USP47: variants seen among roughly 807,000 people sequenced by gnomAD.
The protein encoded by USP47 is ubiquitin carboxyl-terminal hydrolase 47.
USP47 carries 35 observed loss-of-function variants against 165.1 expected under a neutral mutation model. The observed-to-expected ratio is 0.21, with a 90% CI of 0.16 to 0.28. USP47 has a LOEUF of 0.28. Among genes scored for constraint, USP47 ranks in the 10% least tolerant of loss-of-function variants. The pLI, the probability that USP47 is intolerant of heterozygous loss-of-function variation, is 1.00. For synonymous variants in USP47, 531 were observed against 544.5 expected, an observed-to-expected ratio of 0.98 and a Z score of 0.35; for missense variants, 1,277 against 1,607.4, an observed-to-expected ratio of 0.79 and a Z score of 3.52.
chr11:11,926,212 AGTTTTTCTCCTT>A (rs1367296576), intron 11 of USP47, among the ~76,000 whole-genome samples: 1 of 152,126 alleles, frequency 6.6e-6, no homozygotes, highest in South Asian at 2.1e-4. Flanking sequence ...TGAGTTTGGA[AGTTTTTCTCCTT>A]TTTACTTTTT....
intron 11 of USP47, among the ~76,000 whole-genome samples, chr11:11,927,675 A>T (rs1489621535): frequency 6.6e-6 from 1 of 152,126 alleles, no homozygotes; most frequent in African/African-American, 2.4e-5. Flanking sequence ...TGTTCTACGC[A>T]GATCTAGAAA....
intron 1 of USP47, among the ~76,000 whole-genome samples, 195 bp from the exon 2 acceptor site, chr11:11,879,982 A>G (rs1362468856): frequency 6.6e-6 from 1 of 152,126 alleles, no homozygotes; most frequent in African/African-American, 2.4e-5. Context: ...CAAAACAAAC[A>G]TATACGGTGC....
At position 11,842,018 on chromosome 11, in the gene USP47, G is replaced by T. The variant is rs867072911; in HGVS notation, c.-168G>T. 2 of 749,632 alleles carry T rather than the reference G, an allele frequency of 2.7e-6. No homozygotes were observed. The highest frequency in any genetic ancestry group is 4.1e-6 in the Non-Finnish European group (2 of 484,584). The allele number at this position is 749,632 out of a possible 1,614,324, so 46.4% of individuals were successfully genotyped here. On this transcript the variant is annotated 5_prime_UTR_variant, in exon 1 of 28. Transcript: ENST00000527733. ...GGCGGCGGCGGCGGCGGAGCCCTGG[G>T]TCGGTGTCTGCGCGCTGGTGTCTGA...
At chr11:11,891,667 A>G (rs953190975) in intron 3 of USP47, among the ~76,000 whole-genome samples, 16 of 152,200 alleles carry the variant, frequency 1.1e-4, no homozygotes, top group African/African-American at 3.9e-4. Flanking sequence ...CATCTCACCA[A>G]CAATAATTGT....
At chr11:11,872,818 T>A (rs762887642) in intron 1 of USP47, among the ~76,000 whole-genome samples, 14 of 152,234 alleles carry the variant, frequency 9.2e-5, no homozygotes, top group Non-Finnish European at 1.5e-4. Context: ...GGAAAAATTA[T>A]ACAAACAAGC....
chr11:11,897,631 C>G lies in USP47; in HGVS notation c.531C>G (p.Cys177Trp). 1 of 1,611,260 alleles carries G rather than the reference C, an allele frequency of 6.2e-7. No individual in the cohort carries two copies. Among genetic ancestry groups the G allele is most frequent in the Non-Finnish European group, 8.5e-7 (1 of 1,178,426 alleles). The change falls in exon 5 of 28, where the codon TGC becomes TGG. Residue 177 changes from cysteine (C) to tryptophan (W), a missense_variant. By Grantham distance (215) the Cys-to-Trp change is radical (BLOSUM62 -2). Coordinates refer to ENST00000527733, the MANE Select transcript of USP47 (RefSeq NM_001282659.2). Reference sequence around the variant, plus strand: ...GACTAGTAAACCAAGCAATGACTTGCTATTTGAATAGCCTTTTGCAAACAC... The same window carrying G: ...GACTAGTAAACCAAGCAATGACTTGGTATTTGAATAGCCTTTTGCAAACAC... ...YVGLVNQAMTCYLNSLLQTLF... is the reference protein window; with the variant it reads ...YVGLVNQAMTWYLNSLLQTLF...
intron 11 of USP47, among the ~76,000 whole-genome samples, chr11:11,927,602 A>G (rs897498742): frequency 1.1e-4 from 17 of 152,106 alleles, no homozygotes; most frequent in African/African-American, 3.9e-4. Flanking sequence ...ACTTTGGACA[A>G]ATCATTTAAT....
In USP47 at chr11:11,961,635, G is replaced by A. The variant is rs1847456963; in HGVS notation, c.*5460G>A. ...CCTGAGCACCATACTCAAAGGCAGG[G>A]GAAGTGGATGGAGGGCAGGAGCTCC... On this transcript the variant is annotated 3_prime_UTR_variant, in exon 28 of 28. Coordinates refer to ENST00000527733, the MANE Select transcript of USP47 (RefSeq NM_001282659.2). Among the ~76,000 whole-genome samples the A allele has an allele frequency of 6.6e-6, 1 of 152,226 alleles. No individual in the cohort carries two copies.
At position 11,958,296 on chromosome 11, in the gene USP47, A is replaced by T. The variant is rs1264987408; in HGVS notation, c.*2121A>T. On this transcript the variant is annotated 3_prime_UTR_variant, in exon 28 of 28. Transcript: ENST00000527733. Reference sequence around the variant, plus strand: ...ATGTTTAACTGCTGTTTCTAATTGCAGGTGTATTACAGATACAAATAAGAG... The same window carrying T: ...ATGTTTAACTGCTGTTTCTAATTGCTGGTGTATTACAGATACAAATAAGAG... The T allele has an allele frequency of 6.6e-6, 1 of 152,236 alleles. No individual in the cohort carries two copies. Among genetic ancestry groups the T allele is most frequent in the Non-Finnish European group, 1.5e-5 (1 of 68,044 alleles). The allele number at this position is 152,236 out of a possible 1,614,324, so 9.4% of individuals were successfully genotyped here.
chr11:11,849,076 G>A (rs1451365982), intron 1 of USP47, among the ~76,000 whole-genome samples: 2 of 151,788 alleles, frequency 1.3e-5, no homozygotes, highest in East Asian at 2.0e-4. Context: ...GGATACATCC[G>A]CATTTCATAG....
intron 11 of USP47, among the ~76,000 whole-genome samples, chr11:11,926,770 G>T (rs1854281207): frequency 1.4e-5 from 2 of 139,022 alleles, no homozygotes; most frequent in Non-Finnish European, 1.6e-5. Flanking sequence ...TCTATTTCTG[G>T]TTCCTTGTGG....
chr11:11,862,263 T>G (rs1326625160), intron 1 of USP47, among the ~76,000 whole-genome samples: 1 of 152,212 alleles, frequency 6.6e-6, no homozygotes, highest in African/African-American at 2.4e-5. Flanking sequence ...ATGAAATTAT[T>G]TTTCTGAATG....
chr11:11,867,981 A>G (rs1173148139), intron 1 of USP47, among the ~76,000 whole-genome samples: 2 of 152,124 alleles, frequency 1.3e-5, no homozygotes, highest in Non-Finnish European at 2.9e-5. Context: ...CCCTCCTCCC[A>G]TCAGCTTCAA....
intron 8 of USP47, among the ~76,000 whole-genome samples, chr11:11,914,708 A>T (rs1202443701): frequency 6.6e-6 from 1 of 152,234 alleles, no homozygotes; most frequent in Non-Finnish European, 1.5e-5. Flanking sequence ...GGCAAAAGAC[A>T]TAACATTTCA....
At chr11:11,927,074 A>G (rs1005158505) in intron 11 of USP47, among the ~76,000 whole-genome samples, 4 of 151,942 alleles carry the variant, frequency 2.6e-5, no homozygotes, top group Admixed American at 1.3e-4. Context: ...TTCTCTGGAT[A>G]TAGAATTCTA....
chr11:11,891,992 A>G lies in USP47; in HGVS notation c.382A>G (p.Ser128Gly). 1.2e-6 allele frequency: 2 copies of G among 1,613,420 alleles called. No homozygotes were observed. The highest frequency in any genetic ancestry group is 1.7e-6 in the Non-Finnish European group (2 of 1,179,690). The change falls in exon 4 of 28, where the codon AGT (serine) becomes GGT (glycine). Residue 128 changes from serine to glycine, a missense_variant. Transcript: ENST00000527733. ...GGAGGATTCCAGTGCTGGGGAAGAC[A>G]GTGTTCATGACAGGTTTATAGGTCC... ...LLEDSSAGED[S>G]VHDRFIGPLP... is the part of the protein sequence containing the mutation.
chr11:11,939,021 A>C (rs1210039472), intron 18 of USP47, among the ~76,000 whole-genome samples: 1 of 152,000 alleles, frequency 6.6e-6, no homozygotes, highest in African/African-American at 2.4e-5. Context: ...TAGACTTGAC[A>C]GGGAAGGTGA....
chr11:11,848,704 G>A (rs984693491), intron 1 of USP47, among the ~76,000 whole-genome samples: 23 of 151,422 alleles, frequency 1.5e-4, no homozygotes, highest in African/African-American at 4.9e-4. Flanking sequence ...CTGCCTCCCG[G>A]GTTCAAGCGA....
At chr11:11,845,526 C>T (rs898205246) in intron 1 of USP47, among the ~76,000 whole-genome samples, 10 of 151,732 alleles carry the variant, frequency 6.6e-5, no homozygotes, top group Non-Finnish European at 2.9e-5. Flanking sequence ...CTGTAATCTA[C>T]ATTTTATATA....
Sources: gnomAD v4.1 joint callset for allele counts (sites outside exome capture counted in the v4.1 genomes callset) on GRCh38, gnomAD v4.1.1 for gene constraint, MANE v1.5 for transcripts, NCBI Gene and HGNC (gene_info 2026-07-23, HGNC 2026-07-21) for gene names.